Variants in MGAT4C observed in about 807,000 individuals in gnomAD.
MGAT4C encodes alpha-1,3-mannosyl-glycoprotein 4-beta-N-acetylglucosaminyltransferase C.
In MGAT4C, 19 loss-of-function variants were observed where a neutral mutation model predicts 40.1. That is an observed-to-expected ratio of 0.47 (90% CI 0.33 to 0.70). The LOEUF (loss-of-function observed/expected upper bound fraction) is 0.70, where lower values mean the gene tolerates loss of function less well. MGAT4C is among the 30% of genes least tolerant of loss of function. The probability of loss-of-function intolerance (pLI) is 0.02; values close to 1 mark genes in which losing one functional copy is unlikely to be tolerated. For synonymous variants in MGAT4C, 181 were observed against 187.1 expected (o/e 0.97, Z 0.27); for missense variants, 491 against 563.2 (o/e 0.87, Z 1.30).
At chr12:86,697,667 C>T (rs1400534413) in intron 2 of MGAT4C, among the ~76,000 whole-genome samples, 2 of 151,866 alleles carry the variant, frequency 1.3e-5, no homozygotes, top group East Asian at 1.9e-4. Flanking sequence ...AAATTTGTTA[C>T]TAAAAGCTAA....
At chr12:86,120,226 T>C (rs1699430784) in intron 1 of MGAT4C, among the ~76,000 whole-genome samples, 1 of 151,882 alleles carries the variant, frequency 6.6e-6, no homozygotes, top group African/African-American at 2.4e-5. Flanking sequence ...TTTTATTTTA[T>C]TTTATTTTTT....
chr12:86,738,324 T>C (rs1226035399), intron 1 of MGAT4C, among the ~76,000 whole-genome samples: 1 of 151,434 alleles, frequency 6.6e-6, no homozygotes, highest in Non-Finnish European at 1.5e-5. Flanking sequence ...CCAATTAAAA[T>C]TGTTATTTTA....
chr12:86,689,536 CTGTT>C (rs1053250216), intron 2 of MGAT4C, among the ~76,000 whole-genome samples: 2 of 152,170 alleles, frequency 1.3e-5, no homozygotes. Context: ...TTATTGCTTT[CTGTT>C]TGTTAGTTTT....
At chr12:86,278,178 C>CTTTT (rs57981698) in intron 4 of MGAT4C, among the ~76,000 whole-genome samples, 2,462 of 99,922 alleles carry the variant, frequency 0.025, 110 homozygotes, top group Non-Finnish European at 0.034. Flanking sequence ...TGTTGACTTC[C>CTTTT]TTTTTTTTTT....
intron 1 of MGAT4C, among the ~76,000 whole-genome samples, chr12:86,785,363 T>A (rs1030536778): frequency 6.6e-6 from 1 of 152,016 alleles, no homozygotes; most frequent in African/African-American, 2.4e-5. Flanking sequence ...AAGTAAAACA[T>A]GAAAAATATT....
intron 2 of MGAT4C, among the ~76,000 whole-genome samples, chr12:86,453,697 C>T (rs1177190277): frequency 2.0e-5 from 3 of 152,072 alleles, no homozygotes; most frequent in Non-Finnish European, 1.5e-5. Context: ...CCTCCAGCAT[C>T]ATGTATGCAA....
At chr12:86,224,223 C>T (rs1307999347) in intron 1 of MGAT4C, among the ~76,000 whole-genome samples, 1 of 152,078 alleles carries the variant, frequency 6.6e-6, no homozygotes. Context: ...CAAAGAAGGT[C>T]ACTATATATA....
intron 2 of MGAT4C, among the ~76,000 whole-genome samples, chr12:86,722,841 T>C (rs1950759276): frequency 6.6e-6 from 1 of 152,176 alleles, no homozygotes; most frequent in Non-Finnish European, 1.5e-5. Context: ...TTGGAGGTTA[T>C]AAAGGGATGG....
At chr12:86,120,807 C>T (rs1190740826) in intron 1 of MGAT4C, among the ~76,000 whole-genome samples, 1 of 152,164 alleles carries the variant, frequency 6.6e-6, no homozygotes, top group Non-Finnish European at 1.5e-5. Flanking sequence ...AGCAGAAAAG[C>T]TGAAAATTCT....
intron 3 of MGAT4C, among the ~76,000 whole-genome samples, chr12:86,360,212 A>G (rs1024344905): frequency 2.1e-4 from 32 of 152,124 alleles, no homozygotes; most frequent in African/African-American, 7.5e-4. Flanking sequence ...ATCCATCATA[A>G]AAACAGAACC....
In MGAT4C at chr12:86,176,889, TC is replaced by T. The variant is rs776838735; in HGVS notation, c.-57+79349del. ...TATTTCTTATGTATTAAGTGACAGT[TC>T]ATTAATTTACTAAATTAAGGAATAT... On this transcript the variant is annotated intron_variant, in intron 1 of 4. Transcript: ENST00000611864. Among the ~76,000 whole-genome samples, 13 of 149,510 alleles carry T rather than the reference TC, an allele frequency of 8.7e-5. No individual in the cohort carries two copies. The East Asian group carries it at 9.8e-4, about 11-fold the overall frequency.
intron 1 of MGAT4C, among the ~76,000 whole-genome samples, chr12:86,233,845 T>C (rs1339477356): frequency 1.3e-5 from 2 of 152,144 alleles, no homozygotes; most frequent in Non-Finnish European, 2.9e-5. Context: ...TTTCTTCTTA[T>C]CAAAATCAGT....
intron 2 of MGAT4C, among the ~76,000 whole-genome samples, chr12:86,047,501 C>T (rs1892510985): frequency 6.6e-6 from 1 of 152,108 alleles, no homozygotes; most frequent in Non-Finnish European, 1.5e-5. Flanking sequence ...AAGCCAGCTT[C>T]CTGTGTGAAA....
chr12:86,053,793 AGACCAACAGGTATATACATAAAAT>A lies in MGAT4C; in HGVS notation c.-56-4094_-56-4071del, dbSNP rs564015347. On this transcript the variant is annotated intron_variant, in intron 1 of 4. Coordinates refer to ENST00000611864, the MANE Select transcript of MGAT4C (RefSeq NM_001351288.2). Reference sequence around the variant, plus strand: ...ACAGGAATAAACATTTCTCAAAAGAAGACCAACAGGTATATACATAAAATGACCAACAGGTATATACATAAAAAA... The same window carrying A: ...ACAGGAATAAACATTTCTCAAAAGAAGACCAACAGGTATATACATAAAAAA... 2.4e-4 allele frequency among the ~76,000 whole-genome samples: 37 copies of A among 152,134 alleles called. No homozygotes were observed. In the South Asian group the frequency reaches 7.2e-3, roughly 30 times the overall value.
chr12:86,103,468 C>T (rs984741380), intron 1 of MGAT4C, among the ~76,000 whole-genome samples: 2 of 152,046 alleles, frequency 1.3e-5, no homozygotes, highest in Non-Finnish European at 2.9e-5. Context: ...TCAAGAAATG[C>T]CAACTACCAG....
chr12:86,789,783 T>C (rs1951993327), intron 1 of MGAT4C, among the ~76,000 whole-genome samples: 1 of 152,142 alleles, frequency 6.6e-6, no homozygotes, highest in South Asian at 2.1e-4. Context: ...TTGCAGTACT[T>C]CCATAATTCT....
At chr12:86,713,042 T>A (rs1565942959) in intron 2 of MGAT4C, among the ~76,000 whole-genome samples, 1 of 152,120 alleles carries the variant, frequency 6.6e-6, no homozygotes, top group South Asian at 2.1e-4. Flanking sequence ...AGACCCAGTT[T>A]TGATTCTATT....
intron 1 of MGAT4C, among the ~76,000 whole-genome samples, chr12:86,205,776 G>C (rs1358261898): frequency 6.6e-6 from 1 of 151,842 alleles, no homozygotes; most frequent in African/African-American, 2.4e-5. Context: ...TTTTAATTCA[G>C]ACTTCCATAA....
At chr12:86,463,580 T>C (rs112322051) in intron 2 of MGAT4C, among the ~76,000 whole-genome samples, 1 of 152,152 alleles carries the variant, frequency 6.6e-6, no homozygotes, top group Non-Finnish European at 1.5e-5. Context: ...AGATCACTTT[T>C]TCAGGGTATA....
Sources: gnomAD v4.1 joint callset for allele counts (sites outside exome capture counted in the v4.1 genomes callset) on GRCh38, gnomAD v4.1.1 for gene constraint, MANE v1.5 for transcripts, NCBI Gene and HGNC (gene_info 2026-07-23, HGNC 2026-07-21) for gene names.